The following ARHGAP19 variants were observed in gnomAD, a reference collection of about 807,000 sequenced individuals.
The protein encoded by ARHGAP19 is rho GTPase-activating protein 19.
ARHGAP19 carries 48 observed loss-of-function variants against 60.9 expected under a neutral mutation model. The ratio of observed to expected loss-of-function variants is 0.79; its 90% confidence interval spans 0.62 to 1.00. The LOEUF (loss-of-function observed/expected upper bound fraction) is 1.00, where lower values mean the gene tolerates loss of function less well. ARHGAP19 is among the 50% of genes least tolerant of loss of function. The pLI, the probability that ARHGAP19 is intolerant of heterozygous loss-of-function variation, is 0.00. For missense variants in ARHGAP19, 562 were observed against 597.2 expected (o/e 0.94, Z 0.61); for synonymous variants, 209 against 215.5 (o/e 0.97, Z 0.27).
chr10:97,249,540 T>G (rs1842611409), intron 6 of ARHGAP19, among the ~76,000 whole-genome samples: 1 of 152,118 alleles, frequency 6.6e-6, no homozygotes, highest in African/African-American at 2.4e-5. Context: ...GAGAAAACAA[T>G]AAGACAAACT....
intron 1 of ARHGAP19, chr10:97,270,708 C>T (rs1326437972): frequency 6.5e-7 from 1 of 1,531,704 alleles, no homozygotes; most frequent in African/African-American, 1.4e-5. Flanking sequence ...TTCCCTGCCC[C>T]AGCACAGCCT....
intron 1 of ARHGAP19, among the ~76,000 whole-genome samples, chr10:97,281,473 A>G (rs769994469): frequency 6.6e-6 from 1 of 152,210 alleles, no homozygotes; most frequent in African/African-American, 2.4e-5. Flanking sequence ...TTAACTATAA[A>G]TCTTTTCATC....
At chr10:97,255,625 A>G (rs1442631295) in intron 6 of ARHGAP19, among the ~76,000 whole-genome samples, 1 of 152,170 alleles carries the variant, frequency 6.6e-6, no homozygotes, top group African/African-American at 2.4e-5. Context: ...GGAAGTATAC[A>G]CTAAAGAAAA....
chr10:97,259,753 A>C (rs1476485065), intron 4 of ARHGAP19, 125 bp from the exon 5 acceptor site: 2 of 696,358 alleles, frequency 2.9e-6, no homozygotes, highest in African/African-American at 3.6e-5. Context: ...AGGCAGAAAC[A>C]CAATTCAAAG....
rs776665030 is a variant in ARHGAP19 at position 97,256,408 on chromosome 10, T to C, written c.841-4A>G. The C allele has an allele frequency of 6.2e-7, 1 of 1,606,926 alleles. No homozygotes were observed. Reference sequence around the variant, plus strand: ...CCTGAAGGTCATTTGCAGTGACCTATTCAGAGGAAAAGAAACCAAACAATG... The same window carrying C: ...CCTGAAGGTCATTTGCAGTGACCTACTCAGAGGAAAAGAAACCAAACAATG... On this transcript the variant is annotated splice_polypyrimidine_tract_variant and splice_region_variant and intron_variant, in intron 5 of 11. Transcript: ENST00000358531.
intron 6 of ARHGAP19, among the ~76,000 whole-genome samples, chr10:97,251,185 A>AG (rs1172846195): frequency 6.0e-5 from 4 of 66,792 alleles, no homozygotes; most frequent in Non-Finnish European, 1.1e-4. Context: ...GGGAAAGGGA[A>AG]AGGAAGGGAA....
chr10:97,273,251 C>G (rs536243573), intron 1 of ARHGAP19, among the ~76,000 whole-genome samples: 50 of 152,240 alleles, frequency 3.3e-4, no homozygotes, highest in African/African-American at 1.1e-3. Context: ...CAACCTCCAC[C>G]TCCCAGATTC....
At chr10:97,256,286 C>T in intron 6 of ARHGAP19, 32 bp downstream of exon 6, 1 of 1,530,932 alleles carries the variant, frequency 6.5e-7, no homozygotes, top group Non-Finnish European at 9.1e-7. Context: ...TTTCTTTGTC[C>T]TGTTACCAGC....
In ARHGAP19 at chr10:97,244,229, C is replaced by T. The variant is rs1589451464; in HGVS notation, c.994-70G>A. On this transcript the variant is annotated intron_variant, in intron 7 of 11. Transcript: ENST00000358531. ...CTTTGTTTTGGGGTTCTTACAAAAA[C>T]CTGGAACAAAAAAAGGGAGAGTGGG... The T allele has an allele frequency of 5.4e-5, 73 of 1,349,394 alleles. No individual in the cohort carries two copies. In the East Asian group the frequency reaches 1.7e-3, roughly 31 times the overall value. The allele number at this position is 1,349,394 out of a possible 1,614,324, so 83.6% of individuals were successfully genotyped here. A position where few individuals can be genotyped will look rare whatever the true frequency, so the allele number is the denominator to read the frequency against.
At chr10:97,264,476 T>C (rs1246497723) in intron 3 of ARHGAP19, among the ~76,000 whole-genome samples, 2 of 147,438 alleles carry the variant, frequency 1.4e-5, no homozygotes, top group African/African-American at 2.5e-5. Flanking sequence ...AAGTAAAGAG[T>C]GTGTTTTAAT....
intron 8 of ARHGAP19, among the ~76,000 whole-genome samples, chr10:97,241,507 A>C (rs1264055725): frequency 1.3e-5 from 2 of 151,730 alleles, no homozygotes; most frequent in African/African-American, 4.9e-5. Flanking sequence ...TGAGGTCAGG[A>C]GTTCAAGACC....
intron 1 of ARHGAP19, among the ~76,000 whole-genome samples, chr10:97,268,873 A>G (rs1353465615): frequency 3.3e-5 from 5 of 152,212 alleles, no homozygotes; most frequent in Non-Finnish European, 5.9e-5. Context: ...GAACTGTATA[A>G]TTGAAACTCT....
At chr10:97,248,126 C>T (rs150513661) in intron 6 of ARHGAP19, among the ~76,000 whole-genome samples, 4,286 of 152,164 alleles carry the variant, frequency 0.028, 192 homozygotes, top group African/African-American at 0.094. Flanking sequence ...CCATCATGCC[C>T]GGCTAATTTT....
intron 11 of ARHGAP19, among the ~76,000 whole-genome samples, chr10:97,227,781 G>A (rs912644117): frequency 2.0e-5 from 3 of 152,228 alleles, no homozygotes; most frequent in East Asian, 1.9e-4. Context: ...CAACAATACC[G>A]GGAACTTTAT....
intron 6 of ARHGAP19, among the ~76,000 whole-genome samples, chr10:97,251,299 G>A (rs200542871): frequency 9.3e-5 from 4 of 42,816 alleles, no homozygotes; most frequent in East Asian, 8.7e-4. Flanking sequence ...GAAGGGAAGG[G>A]GAAAAGGAAG....
rs35980234 is a variant in ARHGAP19, at chr10:97,272,131, C to CTTT, written c.57-6009_57-6007dup. Among the ~76,000 whole-genome samples the CTTT allele has an allele frequency of 6.2e-3, 526 of 85,492 alleles. 20 individuals are homozygous for CTTT. The highest frequency in any genetic ancestry group is 0.01 in the African/African-American group (206 of 20,092). The allele number at this position is 85,492 out of a possible 152,430, so 56.1% of individuals were successfully genotyped here. The stretch of plus-strand genomic sequence containing the variant: ...TTATACACTTAGGTGGGAAATATGT[C>CTTT]TTTTTTTTTTTTTTTTTTTTTTCAG... On this transcript the variant is annotated intron_variant, in intron 1 of 11. Coordinates refer to ENST00000358531, the MANE Select transcript of ARHGAP19 (RefSeq NM_032900.6).
chr10:97,271,993 T>C (rs929380395), intron 1 of ARHGAP19, among the ~76,000 whole-genome samples: 7 of 152,084 alleles, frequency 4.6e-5, no homozygotes, highest in Non-Finnish European at 8.8e-5. Context: ...TTTTACATGT[T>C]GCTGAATTTG....
chr10:97,230,060 A>C (rs925651060), intron 9 of ARHGAP19, among the ~76,000 whole-genome samples, 186 bp from the exon 10 acceptor site: 3 of 152,174 alleles, frequency 2.0e-5, no homozygotes, highest in Non-Finnish European at 2.9e-5. Flanking sequence ...AAAACCCAAA[A>C]TCATTACTTT....
intron 6 of ARHGAP19, among the ~76,000 whole-genome samples, chr10:97,248,689 A>C (rs1842598153): frequency 6.6e-6 from 1 of 152,226 alleles, no homozygotes; most frequent in Admixed American, 6.6e-5. Context: ...GCGCAAGTAC[A>C]AAGTGAGCTG....
Sources: gnomAD v4.1 joint callset for allele counts (sites outside exome capture counted in the v4.1 genomes callset) on GRCh38, gnomAD v4.1.1 for gene constraint, MANE v1.5 for transcripts, NCBI Gene and HGNC (gene_info 2026-07-23, HGNC 2026-07-21) for gene names.